SLC9A9: variants seen among roughly 807,000 people sequenced by gnomAD.
SLC9A9 encodes the protein solute carrier family 9 member A9.
SLC9A9 carries 62 observed loss-of-function variants against 77.8 expected under a neutral mutation model. The ratio of observed to expected loss-of-function variants is 0.80; its 90% CI spans 0.65 to 0.98. The LOEUF (loss-of-function observed/expected upper bound fraction) is 0.98, where lower values mean the gene tolerates loss of function less well. Among genes scored for constraint, SLC9A9 ranks in the 50% least tolerant of loss-of-function variants. The probability of loss-of-function intolerance (pLI) is 0.00; values close to 1 mark genes in which losing one functional copy is unlikely to be tolerated. For synonymous variants in SLC9A9, 320 were observed against 283.5 expected (o/e 1.13, Z -1.29); for missense variants, 775 against 774.9 (o/e 1.00, Z 0.00).
chr3:143,787,617 T>C (rs922721031), intron 4 of SLC9A9, among the ~76,000 whole-genome samples: 1 of 152,218 alleles, frequency 6.6e-6, no homozygotes, highest in African/African-American at 2.4e-5. Context: ...CATGTCATCA[T>C]AGATGACTTT....
At chr3:143,737,161 A>T (rs148206947) in intron 4 of SLC9A9, among the ~76,000 whole-genome samples, 1 of 152,144 alleles carries the variant, frequency 6.6e-6, no homozygotes, top group African/African-American at 2.4e-5. Context: ...TGCTTTCTAG[A>T]TCTCTTTCGT....
chr3:143,821,892 C>A (rs774649471), intron 2 of SLC9A9, among the ~76,000 whole-genome samples: 1 of 152,160 alleles, frequency 6.6e-6, no homozygotes, highest in Non-Finnish European at 1.5e-5. Context: ...ACAAAGCTTC[C>A]CAGCCTATGC....
At chr3:143,346,653 C>T (rs1056122930) in intron 14 of SLC9A9, among the ~76,000 whole-genome samples, 1 of 151,764 alleles carries the variant, frequency 6.6e-6, no homozygotes, top group Non-Finnish European at 1.5e-5. Context: ...GCTAGCTGGG[C>T]GTGGTGGTGG....
chr3:143,601,890 A>AT (rs1399583652), intron 6 of SLC9A9, among the ~76,000 whole-genome samples: 5 of 148,184 alleles, frequency 3.4e-5, no homozygotes, highest in Non-Finnish European at 6.0e-5. Context: ...CTGTTCCAAC[A>AT]TCCCCCCTCT....
intron 4 of SLC9A9, among the ~76,000 whole-genome samples, chr3:143,732,705 C>A (rs1576688886): frequency 6.6e-6 from 1 of 151,070 alleles, no homozygotes; most frequent in Non-Finnish European, 1.5e-5. Context: ...CTTTATTAAC[C>A]TCCTTCCCAG....
intron 4 of SLC9A9, among the ~76,000 whole-genome samples, chr3:143,756,459 A>C (rs1242476544): frequency 6.6e-6 from 1 of 152,178 alleles, no homozygotes; most frequent in Non-Finnish European, 1.5e-5. Flanking sequence ...GCTGCTTCAC[A>C]AACTTTGGCA....
chr3:143,563,152 G>A (rs1467315242), intron 8 of SLC9A9, among the ~76,000 whole-genome samples: 1 of 152,130 alleles, frequency 6.6e-6, no homozygotes, highest in Non-Finnish European at 1.5e-5. Context: ...TTAAATTCAA[G>A]TTAATTGGCA....
rs557049192 is a variant in SLC9A9 at position 143,549,984 on chromosome 3, C to A, written c.1089+2378G>T. ...TTGGTATCAGTTTTTGTTTGGGGGGCTTTTTTCTTTTGTTTCACTCAGGGG... is the reference window on the plus strand; with the variant it reads ...TTGGTATCAGTTTTTGTTTGGGGGGATTTTTTCTTTTGTTTCACTCAGGGG... On this transcript the variant is annotated intron_variant, in intron 9 of 15. Coordinates refer to ENST00000316549, the MANE Select transcript of SLC9A9 (RefSeq NM_173653.4). 7.9e-5 allele frequency among the ~76,000 whole-genome samples: 12 copies of A among 152,150 alleles called. No homozygotes were observed. In the East Asian group the frequency reaches 2.3e-3, roughly 29 times the overall value.
intron 12 of SLC9A9, among the ~76,000 whole-genome samples, chr3:143,394,424 A>C (rs1371329661): frequency 6.6e-6 from 1 of 152,208 alleles, no homozygotes; most frequent in Non-Finnish European, 1.5e-5. Flanking sequence ...AAAAACTCTC[A>C]ATAAATTAGG....
At chr3:143,507,625 G>T (rs78103930) in intron 9 of SLC9A9, among the ~76,000 whole-genome samples, 1 of 152,188 alleles carries the variant, frequency 6.6e-6, no homozygotes, top group Non-Finnish European at 1.5e-5. Flanking sequence ...TTCACTCTAG[G>T]TGTTAAACAT....
chr3:143,609,726 T>A (rs891574787), intron 6 of SLC9A9, among the ~76,000 whole-genome samples: 5 of 152,176 alleles, frequency 3.3e-5, no homozygotes, highest in Non-Finnish European at 5.9e-5. Context: ...AACATATTAT[T>A]CAGTAAGTTG....
At chr3:143,619,783 A>G (rs2038168464) in intron 6 of SLC9A9, among the ~76,000 whole-genome samples, 1 of 152,224 alleles carries the variant, frequency 6.6e-6, no homozygotes, top group African/African-American at 2.4e-5. Flanking sequence ...CTTTCTCAGT[A>G]TCTCAGCAAC....
intron 4 of SLC9A9, among the ~76,000 whole-genome samples, chr3:143,745,643 T>TC (rs1322430021): frequency 1.3e-5 from 2 of 152,190 alleles, no homozygotes; most frequent in Admixed American, 6.5e-5. Context: ...GAAATTCTTT[T>TC]CATCAAGGTG....
chr3:143,847,183 C>T (rs6794907), intron 1 of SLC9A9, among the ~76,000 whole-genome samples: 6,842 of 152,154 alleles, frequency 0.045, 489 homozygotes, highest in African/African-American at 0.15. Context: ...TCAGGATTTC[C>T]AAAATGAGGA....
intron 14 of SLC9A9, among the ~76,000 whole-genome samples, chr3:143,348,000 A>G (rs1267804406): frequency 6.6e-6 from 1 of 150,910 alleles, no homozygotes; most frequent in African/African-American, 2.5e-5. Context: ...AAAGCTGGAT[A>G]AGAAGTTAAG....
intron 6 of SLC9A9, among the ~76,000 whole-genome samples, chr3:143,624,968 T>C: frequency 6.6e-6 from 1 of 152,006 alleles, no homozygotes; most frequent in Non-Finnish European, 1.5e-5. Context: ...TATACACCAA[T>C]AACAGACAAA....
intron 12 of SLC9A9, among the ~76,000 whole-genome samples, chr3:143,466,404 C>T (rs2108568686): frequency 6.6e-6 from 1 of 152,334 alleles, no homozygotes; most frequent in South Asian, 2.1e-4. Context: ...CACCAGCTAC[C>T]CGTTTCTGTC....
chr3:143,662,416 C>A (rs1576642072), intron 5 of SLC9A9, among the ~76,000 whole-genome samples: 1 of 152,238 alleles, frequency 6.6e-6, no homozygotes. Context: ...TTCTGCATTT[C>A]CAACTGAGGT....
intron 9 of SLC9A9, among the ~76,000 whole-genome samples, chr3:143,532,591 T>C (rs566533633): frequency 2.6e-5 from 4 of 152,278 alleles, no homozygotes; most frequent in African/African-American, 9.6e-5. Flanking sequence ...ATAAAAATCA[T>C]GAAACTCGAA....
Sources: allele counts gnomAD v4.1 joint callset (sites outside exome capture counted in the v4.1 genomes callset), GRCh38; gene constraint gnomAD v4.1.1; transcripts MANE v1.5; gene names NCBI Gene and HGNC (gene_info 2026-07-23, HGNC 2026-07-21).